Variants in CUX1 observed in about 807,000 individuals in gnomAD.
CUX1 encodes the protein cut like homeobox 1.
CUX1 carries 31 observed loss-of-function variants against 158.8 expected under a neutral mutation model. That is an observed-to-expected ratio of 0.20 (90% CI 0.15 to 0.26). CUX1 has a LOEUF of 0.26. Ranked by LOEUF, CUX1 falls within the 10% of genes least tolerant of loss-of-function variation. The pLI, the probability that CUX1 is intolerant of heterozygous loss-of-function variation, is 1.00. For missense variants in CUX1, 1,589 were observed against 2,014.6 expected (o/e 0.79, Z 4.04); for synonymous variants, 879 against 862.1 (o/e 1.02, Z -0.34).
intron 23 of CUX1, among the ~76,000 whole-genome samples, chr7:102,246,868 C>T (rs1800869979): frequency 6.6e-6 from 1 of 152,208 alleles, no homozygotes; most frequent in Admixed American, 6.5e-5. Context: ...CCATGCCCAG[C>T]CTCAGAAAGC....
intron 8 of CUX1, among the ~76,000 whole-genome samples, chr7:102,141,789 A>AT (rs71123009): frequency 0.31 from 31,642 of 102,760 alleles, 5,247 homozygotes; most frequent in East Asian, 0.75. Context: ...CTCTCAGCTA[A>AT]TTTTTTTTTT....
chr7:102,173,381 T>A (rs1380811464), intron 10 of CUX1, among the ~76,000 whole-genome samples: 3 of 152,086 alleles, frequency 2.0e-5, no homozygotes, highest in African/African-American at 7.2e-5. Context: ...AAAAAAGATA[T>A]GATTGAAGTG....
intron 6 of CUX1, among the ~76,000 whole-genome samples, chr7:102,107,056 C>A (rs1830432888): frequency 6.6e-6 from 1 of 151,608 alleles, no homozygotes; most frequent in African/African-American, 2.4e-5. Flanking sequence ...AGAGATATGC[C>A]ATCTCTATGG....
At chr7:102,043,056 G>A (rs1258756422) in intron 3 of CUX1, among the ~76,000 whole-genome samples, 1 of 152,076 alleles carries the variant, frequency 6.6e-6, no homozygotes, top group Non-Finnish European at 1.5e-5. Flanking sequence ...CCACCTCCTG[G>A]GTTCAAGCCT....
chr7:102,062,493 A>G (rs1389655242), intron 3 of CUX1, among the ~76,000 whole-genome samples: 1 of 152,130 alleles, frequency 6.6e-6, no homozygotes, highest in African/African-American at 2.4e-5. Flanking sequence ...AGATTAAAAT[A>G]CCTTCCTATA....
chr7:101,924,338 T>C (rs1289507103), intron 2 of CUX1, among the ~76,000 whole-genome samples: 1 of 151,714 alleles, frequency 6.6e-6, no homozygotes, highest in Non-Finnish European at 1.5e-5. Flanking sequence ...ACCACCAGAG[T>C]GACTCAGCCT....
At chr7:102,071,334 T>G (rs1826104054) in intron 4 of CUX1, among the ~76,000 whole-genome samples, 1 of 152,180 alleles carries the variant, frequency 6.6e-6, no homozygotes, top group African/African-American at 2.4e-5. Context: ...AGGTGATGGC[T>G]TCCGATTCTT....
intron 23 of CUX1, among the ~76,000 whole-genome samples, chr7:102,244,343 G>A (rs1161093099): frequency 1.4e-5 from 2 of 147,008 alleles, no homozygotes; most frequent in Non-Finnish European, 3.0e-5. Context: ...AAAAAAAACC[G>A]AGCTTTATTT....
chr7:102,252,441 C>T lies in CUX1; in HGVS notation c.*3399C>T. ...TAAAAAGCTGATTTGTACCTCTCCCCTGGGGGAAACGGTTCCATATAAAAC... is the reference window on the plus strand; with the variant it reads ...TAAAAAGCTGATTTGTACCTCTCCCTTGGGGGAAACGGTTCCATATAAAAC... On this transcript the variant is annotated 3_prime_UTR_variant, in exon 24 of 24. Coordinates refer to ENST00000292535, the MANE Select transcript of CUX1 (RefSeq NM_181552.4). 8.1e-6 allele frequency: 8 copies of T among 985,474 alleles called. No homozygotes were observed. Among genetic ancestry groups the T allele is most frequent in the Non-Finnish European group, 9.6e-6 (8 of 829,946 alleles). The allele number at this position is 985,474 out of a possible 1,614,324, so 61.0% of individuals were successfully genotyped here.
rs557872489 is a variant in CUX1, at chr7:102,229,453, A to G, written c.3433+1784A>G. Among the ~76,000 whole-genome samples, 207 of 151,506 alleles carry G rather than the reference A, an allele frequency of 1.4e-3. 1 individual carries two copies. Among genetic ancestry groups the G allele is most frequent in the Non-Finnish European group, 1.3e-3 (85 of 67,872 alleles). On this transcript the variant is annotated intron_variant, in intron 21 of 23. Transcript: ENST00000292535. Reference sequence around the variant, plus strand: ...CAGTCTCCCGAGTAGCTGGGATTACAGGCATCCGCCACCGTGCCCAGCTAA... The same window carrying G: ...CAGTCTCCCGAGTAGCTGGGATTACGGGCATCCGCCACCGTGCCCAGCTAA...
intron 20 of CUX1, among the ~76,000 whole-genome samples, chr7:102,206,015 G>A (rs1255229780): frequency 2.6e-5 from 4 of 151,998 alleles, no homozygotes; most frequent in Admixed American, 6.6e-5. Flanking sequence ...ATGTTGATTC[G>A]TCTCCATATC....
In CUX1 at chr7:102,084,858, C is replaced by CTTTTTTT. The variant is rs60908109; in HGVS notation, c.269-12488_269-12482dup. ...TAATGCTGTATATTTATTTTCCTTGCTTTTTTTTTTTTTTTTTTTTTTTTG... is the reference window on the plus strand; with the variant it reads ...TAATGCTGTATATTTATTTTCCTTGCTTTTTTTTTTTTTTTTTTTTTTTTTTTTTTTG... On this transcript the variant is annotated intron_variant, in intron 4 of 23. Transcript: ENST00000292535. Among the ~76,000 whole-genome samples the CTTTTTTT allele has an allele frequency of 3.4e-3, 188 of 56,042 alleles. 4 individuals are homozygous for CTTTTTTT. Among genetic ancestry groups the CTTTTTTT allele is most frequent in the South Asian group, 6.7e-3 (8 of 1,190 alleles). 36.8% of individuals were successfully genotyped at this position (56,042 alleles called of 152,430 possible).
chr7:102,107,266 C>T (rs1554488757), intron 6 of CUX1, among the ~76,000 whole-genome samples: 2 of 151,936 alleles, frequency 1.3e-5, no homozygotes. Flanking sequence ...AGGCTGGGCG[C>T]AGTGGCTCAC....
At chr7:101,834,923 G>A (rs944716382) in intron 1 of CUX1, among the ~76,000 whole-genome samples, 10 of 152,084 alleles carry the variant, frequency 6.6e-5, no homozygotes, top group African/African-American at 2.4e-4. Flanking sequence ...TTGAACCCGG[G>A]AGGCAGAGGT....
intron 2 of CUX1, among the ~76,000 whole-genome samples, chr7:101,931,658 C>T (rs764850208): frequency 5.8e-4 from 89 of 152,186 alleles, no homozygotes; most frequent in Middle Eastern, 3.4e-3. Context: ...CTCTGCCTTC[C>T]GGGCTCAAGC....
At position 102,197,196 on chromosome 7, in the gene CUX1, A is replaced by T. The variant is rs141803984; in HGVS notation, c.1785A>T (p.Pro595=). The change falls in exon 15 of 24, where the codon CCA becomes CCT. Residue 595 remains proline (P), a synonymous_variant. Transcript: ENST00000292535. ...GCGAGATTCTGGCCCGGCCCAAGCCATGGAATAAACTGACTGTTCGTGGCA... is the reference window on the plus strand; with the variant it reads ...GCGAGATTCTGGCCCGGCCCAAGCCTTGGAATAAACTGACTGTTCGTGGCA... ...SVSEILARPK[P]WNKLTVRGKE... 1 of 1,614,150 alleles carries T rather than the reference A, an allele frequency of 6.2e-7. No homozygotes were observed. Among genetic ancestry groups the T allele is most frequent in the African/African-American group, 1.3e-5 (1 of 74,960 alleles).
In CUX1 at chr7:101,946,360, G is replaced by A. The variant is rs112485366; in HGVS notation, c.141+30135G>A. Among the ~76,000 whole-genome samples, 1,060 of 152,152 alleles carry A rather than the reference G, an allele frequency of 7.0e-3. 15 individuals carry two copies. Among genetic ancestry groups the A allele is most frequent in the African/African-American group, 0.024 (1,001 of 41,512 alleles). Reference sequence around the variant, plus strand: ...TCATTTTGAGACCAACCTGGCCAACGTGGTGAAACCCTGTCTCTACTAAAA... The same window carrying A: ...TCATTTTGAGACCAACCTGGCCAACATGGTGAAACCCTGTCTCTACTAAAA... On this transcript the variant is annotated intron_variant, in intron 2 of 23. Transcript: ENST00000292535.
At chr7:102,104,250 C>A in intron 5 of CUX1, 86 bp from the exon 6 acceptor site, 1 of 1,334,868 alleles carries the variant, frequency 7.5e-7, no homozygotes, top group Non-Finnish European at 1.0e-6. Context: ...CACACCGATC[C>A]TACCAGGTTA....
Position 101,916,097 on chromosome 7 carries a change from T to C in CUX1, c.31-18T>C, listed in dbSNP as rs112658162. ...GTGCAATTACAATCTCACTTTTCCT[T>C]TCCTGTTTCCCCAACAGAGAGAACT... On this transcript the variant is annotated intron_variant, in intron 1 of 23. Transcript: ENST00000292535. This position sits in a 1 kb window ranked among gnomAD's most constrained non-coding sequence, Gnocchi z 4.4. 4.1e-5 allele frequency: 65 copies of C among 1,580,800 alleles called. No individual in the cohort carries two copies. The African/African-American group carries it at 6.7e-4, about 16-fold the overall frequency.
Sources: gnomAD v4.1 joint callset for allele counts (sites outside exome capture counted in the v4.1 genomes callset) on GRCh38, gnomAD v4.1.1 for gene constraint, Gnocchi (gnomAD v3.1) non-coding constraint, MANE v1.5 for transcripts, NCBI Gene and HGNC (gene_info 2026-07-23, HGNC 2026-07-21) for gene names.